SVOPL: variants seen among roughly 807,000 people sequenced by gnomAD.
SVOPL encodes SVOP like.
Under a neutral mutation model 61.0 loss-of-function variants are expected in SVOPL, and 60 were observed. The observed-to-expected ratio is 0.98, with a 90% CI of 0.80 to 1.22. The LOEUF (loss-of-function observed/expected upper bound fraction) is 1.22. Ranked by LOEUF, SVOPL falls within the 50% of genes most tolerant of loss-of-function variation. SVOPL has a pLI of 0.00. For synonymous variants in SVOPL, 279 were observed against 250.0 expected (o/e 1.12, Z -1.09); for missense variants, 662 against 643.9 (o/e 1.03, Z -0.30).
At chr7:138,655,635 T>C (rs1801690488) in intron 7 of SVOPL, among the ~76,000 whole-genome samples, 1 of 81,476 alleles carries the variant, frequency 1.2e-5, no homozygotes, top group Non-Finnish European at 2.8e-5. Context: ...AATGTATATA[T>C]ACTATTATAT....
chr7:138,660,921 T>C, intron 5 of SVOPL: 2 of 985,076 alleles, frequency 2.0e-6, no homozygotes, highest in Non-Finnish European at 2.4e-6. Context: ...AAAATTTCCT[T>C]ACATATTTGA....
chr7:138,669,936 GC>G (rs1274356155), intron 4 of SVOPL, among the ~76,000 whole-genome samples: 4 of 152,050 alleles, frequency 2.6e-5, no homozygotes, highest in Non-Finnish European at 4.4e-5. Context: ...ATTAAAACCA[GC>G]TTCAATACCC....
chr7:138,654,625 G>A (rs956244637), intron 7 of SVOPL, among the ~76,000 whole-genome samples: 2 of 149,840 alleles, frequency 1.3e-5, no homozygotes, highest in African/African-American at 2.5e-5. Flanking sequence ...TCAGCCTCCC[G>A]AGTAGCTGGG....
At chr7:138,597,437 C>T (rs1289674007) in intron 14 of SVOPL, among the ~76,000 whole-genome samples, 1 of 152,104 alleles carries the variant, frequency 6.6e-6, no homozygotes, top group Non-Finnish European at 1.5e-5. Context: ...TCTTATGATA[C>T]ACAATTTGGG....
chr7:138,619,809 G>A (rs1254267461), intron 14 of SVOPL, among the ~76,000 whole-genome samples: 2 of 152,154 alleles, frequency 1.3e-5, no homozygotes, highest in Non-Finnish European at 1.5e-5. Flanking sequence ...ACCAATGGGG[G>A]TCTCTATCTC....
chr7:138,617,668 C>G lies in SVOPL; in HGVS notation c.1353+3378G>C, dbSNP rs139719251. 2.4e-4 allele frequency among the ~76,000 whole-genome samples: 36 copies of G among 152,208 alleles called. 1 individual carries two copies. Among genetic ancestry groups the G allele is most frequent in the Non-Finnish European group, 4.4e-4 (30 of 68,014 alleles). ...TGAGCAACACAGTGAGACCTCATCT[C>G]TACTAAAATTCAAAAAAATTAGCCA... On this transcript the variant is annotated intron_variant, in intron 14 of 15. Transcript: ENST00000674285.
chr7:138,674,200 T>C (rs1461838867), intron 3 of SVOPL, among the ~76,000 whole-genome samples: 1 of 149,402 alleles, frequency 6.7e-6, no homozygotes, highest in Non-Finnish European at 1.5e-5. Context: ...AGAAAACACA[T>C]ACACACACAC....
intron 14 of SVOPL, among the ~76,000 whole-genome samples, chr7:138,605,662 AGAAT>A (rs929437977): frequency 6.9e-6 from 1 of 144,718 alleles, no homozygotes; most frequent in African/African-American, 2.5e-5. Flanking sequence ...AAAAAAAAAT[AGAAT>A]GACAGTCATT....
chr7:138,663,216 T>C, intron 4 of SVOPL, 71 bp from the exon 5 acceptor site: 3 of 1,568,098 alleles, frequency 1.9e-6, no homozygotes, highest in Non-Finnish European at 2.6e-6. Context: ...GTTAGCCATT[T>C]TCACTAGAAG....
intron 14 of SVOPL, among the ~76,000 whole-genome samples, chr7:138,607,396 G>A (rs939579442): frequency 1.3e-5 from 2 of 152,214 alleles, no homozygotes; most frequent in African/African-American, 4.8e-5. Flanking sequence ...AGTAGAGGAA[G>A]ACAAGTCACA....
At chr7:138,683,711 G>C (rs1013095108) in intron 1 of SVOPL, among the ~76,000 whole-genome samples, 2 of 152,018 alleles carry the variant, frequency 1.3e-5, no homozygotes, top group Non-Finnish European at 2.9e-5. Context: ...CTGATCACTA[G>C]TTAAGTAGTA....
At chr7:138,657,382 C>A (rs1801798656) in intron 6 of SVOPL, among the ~76,000 whole-genome samples, 1 of 152,028 alleles carries the variant, frequency 6.6e-6, no homozygotes, top group Admixed American at 6.6e-5. Flanking sequence ...CCTCAAGCAA[C>A]TGTTGCACCT....
chr7:138,600,131 G>A (rs1798452448), intron 14 of SVOPL, among the ~76,000 whole-genome samples: 1 of 152,068 alleles, frequency 6.6e-6, no homozygotes, highest in Non-Finnish European at 1.5e-5. Flanking sequence ...AAAAACATCT[G>A]TAGTATGATG....
intron 11 of SVOPL, 121 bp downstream of exon 11, chr7:138,628,037 G>C: frequency 8.6e-7 from 1 of 1,169,296 alleles, no homozygotes; most frequent in African/African-American, 1.5e-5. Flanking sequence ...GCACTACTTG[G>C]CAACTTATTC....
chr7:138,668,620 G>A (rs1802334711), intron 4 of SVOPL, among the ~76,000 whole-genome samples: 1 of 152,164 alleles, frequency 6.6e-6, no homozygotes, highest in Non-Finnish European at 1.5e-5. Context: ...GCAATACCAT[G>A]CATTATCTGA....
At chr7:138,675,244 G>GAAAAAAGA (rs535152423) in intron 3 of SVOPL, among the ~76,000 whole-genome samples, 4 of 148,940 alleles carry the variant, frequency 2.7e-5, no homozygotes, top group Non-Finnish European at 5.9e-5. Flanking sequence ...CAAAAAAAAA[G>GAAAAAAGA]AAAAAAGAAA....
At chr7:138,656,424 G>A (rs1442659240) in intron 7 of SVOPL, 24 bp downstream of exon 7, 8 of 1,612,646 alleles carry the variant, frequency 5.0e-6, no homozygotes, top group Non-Finnish European at 6.8e-6. Flanking sequence ...GCCAAAGGCA[G>A]GTAGAACTCC....
chr7:138,676,719 G>A (rs1455620356), intron 3 of SVOPL, among the ~76,000 whole-genome samples: 3 of 152,178 alleles, frequency 2.0e-5, no homozygotes, highest in African/African-American at 4.8e-5. Flanking sequence ...CCATGTGTTC[G>A]AATTTACATA....
intron 7 of SVOPL, 59 bp downstream of exon 7, chr7:138,656,389 A>T (rs1403623155): frequency 3.3e-6 from 5 of 1,538,088 alleles, no homozygotes; most frequent in Non-Finnish European, 3.6e-6. Flanking sequence ...AGGTATGCCT[A>T]TATGTACATC....
Sources: gnomAD v4.1 joint callset for allele counts (sites outside exome capture counted in the v4.1 genomes callset) on GRCh38, gnomAD v4.1.1 for gene constraint, MANE v1.5 for transcripts, NCBI Gene and HGNC (gene_info 2026-07-23, HGNC 2026-07-21) for gene names.